KCNQ5: variants seen among roughly 807,000 people sequenced by gnomAD.
The protein encoded by KCNQ5 is potassium voltage-gated channel subfamily KQT member 5.
A neutral mutation model predicts 98.2 loss-of-function variants in KCNQ5; 30 were observed. The ratio of observed to expected loss-of-function variants is 0.31; its 90% CI spans 0.23 to 0.41. The LOEUF (loss-of-function observed/expected upper bound fraction) is 0.41. Ranked by LOEUF, KCNQ5 falls within the 10% of genes least tolerant of loss-of-function variation. The pLI is 1.00. For missense variants in KCNQ5, 835 were observed against 1,182.5 expected, an observed-to-expected ratio of 0.71 and a Z score of 4.31; for synonymous variants, 458 against 449.4, an observed-to-expected ratio of 1.02 and a Z score of -0.24.
intron 1 of KCNQ5, among the ~76,000 whole-genome samples, chr6:72,764,748 C>G (rs1308910605): frequency 6.6e-6 from 1 of 151,960 alleles, no homozygotes; most frequent in Admixed American, 6.6e-5. Context: ...ATTCCTACTT[C>G]CCCCTGCCCC....
intron 1 of KCNQ5, among the ~76,000 whole-genome samples, chr6:72,735,203 A>C (rs549274614): frequency 1.3e-5 from 2 of 152,324 alleles, no homozygotes; most frequent in East Asian, 3.9e-4. Context: ...ACCTATATTT[A>C]AGCTTAAAAC....
rs1265797143 is a variant in KCNQ5, at chr6:72,658,710, A to G, written c.398+36123A>G. Among the ~76,000 whole-genome samples, 3 of 150,902 alleles carry G rather than the reference A, an allele frequency of 2.0e-5. No homozygotes were observed. In the East Asian group the frequency reaches 5.8e-4, roughly 29 times the overall value. On this transcript the variant is annotated intron_variant, in intron 1 of 13. Coordinates refer to ENST00000370398, the MANE Select transcript of KCNQ5 (RefSeq NM_019842.4). ...ATTCTCCTGACTCAGCCTCCCAAGT[A>G]GCTGGGATTATAGGCATGTGCCACC...
chr6:72,792,087 G>GAGCTTCATTTC (rs1399265516), intron 1 of KCNQ5, among the ~76,000 whole-genome samples: 2 of 152,138 alleles, frequency 1.3e-5, no homozygotes, highest in African/African-American at 4.8e-5. Flanking sequence ...ATCTTGATTT[G>GAGCTTCATTTC]AGCTTCATTT....
chr6:73,168,662 A>C (rs1233575968), intron 10 of KCNQ5, among the ~76,000 whole-genome samples: 1 of 152,090 alleles, frequency 6.6e-6, no homozygotes, highest in East Asian at 1.9e-4. Context: ...ACAGTGAGCC[A>C]GATCGCACCA....
chr6:73,141,201 G>A (rs945829937), intron 10 of KCNQ5, among the ~76,000 whole-genome samples: 21 of 152,192 alleles, frequency 1.4e-4, no homozygotes, highest in Non-Finnish European at 2.5e-4. Flanking sequence ...TGATGGAAAG[G>A]GCGAGGTTCC....
chr6:72,689,160 G>A (rs191371796), intron 1 of KCNQ5, among the ~76,000 whole-genome samples: 40 of 152,230 alleles, frequency 2.6e-4, no homozygotes, highest in African/African-American at 9.2e-4. Flanking sequence ...TGGAGTCCTG[G>A]TTAGAAAACA....
At chr6:73,025,248 A>G (rs1770821379) in intron 2 of KCNQ5, among the ~76,000 whole-genome samples, 1 of 152,228 alleles carries the variant, frequency 6.6e-6, no homozygotes, top group Admixed American at 6.5e-5. Flanking sequence ...CTGTTGCAAC[A>G]TAATTGATGC....
At chr6:72,628,078 T>G (rs905058966) in intron 1 of KCNQ5, among the ~76,000 whole-genome samples, 2 of 152,310 alleles carry the variant, frequency 1.3e-5, no homozygotes, top group Non-Finnish European at 2.9e-5. Flanking sequence ...TTTCTACTTA[T>G]TTCTAAATAT....
intron 1 of KCNQ5, among the ~76,000 whole-genome samples, chr6:72,950,803 A>G (rs1308275694): frequency 1.3e-5 from 2 of 152,234 alleles, no homozygotes; most frequent in Admixed American, 6.5e-5. Context: ...TGGCCATATC[A>G]TGGAAGGGGG....
At chr6:72,695,996 A>G (rs899714297) in intron 1 of KCNQ5, among the ~76,000 whole-genome samples, 3 of 152,220 alleles carry the variant, frequency 2.0e-5, no homozygotes, top group African/African-American at 7.2e-5. Context: ...GTTTTAGTTT[A>G]TTTTAACATG....
At chr6:73,035,291 T>C (rs1420488955) in intron 2 of KCNQ5, among the ~76,000 whole-genome samples, 1 of 152,220 alleles carries the variant, frequency 6.6e-6, no homozygotes, top group East Asian at 1.9e-4. Flanking sequence ...ACATTTATTG[T>C]CTTTGCTTTT....
intron 5 of KCNQ5, among the ~76,000 whole-genome samples, chr6:73,080,313 A>G (rs1484591005): frequency 6.6e-6 from 1 of 152,176 alleles, no homozygotes; most frequent in East Asian, 1.9e-4. Context: ...TCTATTTTTA[A>G]AAAAAATCTA....
At chr6:72,953,148 C>T (rs1039673061) in intron 1 of KCNQ5, among the ~76,000 whole-genome samples, 1 of 152,188 alleles carries the variant, frequency 6.6e-6, no homozygotes, top group African/African-American at 2.4e-5. Context: ...CAGACTTGGT[C>T]CCTGCCCTCG....
At chr6:72,687,432 G>C (rs1768010880) in intron 1 of KCNQ5, among the ~76,000 whole-genome samples, 1 of 152,160 alleles carries the variant, frequency 6.6e-6, no homozygotes, top group South Asian at 2.1e-4. Flanking sequence ...GAGGACAAGA[G>C]AGACAAAGAG....
At chr6:72,829,615 G>T (rs1302943995) in intron 1 of KCNQ5, among the ~76,000 whole-genome samples, 1 of 152,158 alleles carries the variant, frequency 6.6e-6, no homozygotes. Context: ...TAAGACATGT[G>T]CCCAAAATGC....
chr6:72,763,975 T>G (rs979415204), intron 1 of KCNQ5, among the ~76,000 whole-genome samples: 3 of 151,968 alleles, frequency 2.0e-5, no homozygotes, highest in Non-Finnish European at 4.4e-5. Flanking sequence ...TTTGATCAGA[T>G]CCAGTACTCT....
intron 11 of KCNQ5, among the ~76,000 whole-genome samples, 198 bp downstream of exon 11, chr6:73,170,052 A>G (rs1189671359): frequency 6.6e-6 from 1 of 152,230 alleles, no homozygotes; most frequent in East Asian, 1.9e-4. Context: ...AAAGAGTTAT[A>G]AAACGTGGGT....
At chr6:72,916,431 G>T (rs970000591) in intron 1 of KCNQ5, among the ~76,000 whole-genome samples, 3 of 152,108 alleles carry the variant, frequency 2.0e-5, no homozygotes, top group Non-Finnish European at 2.9e-5. Flanking sequence ...AGCCGGAGGG[G>T]AATAAAAAAT....
intron 1 of KCNQ5, among the ~76,000 whole-genome samples, chr6:72,649,244 C>T (rs900228864): frequency 6.6e-6 from 1 of 152,128 alleles, no homozygotes; most frequent in African/African-American, 2.4e-5. Flanking sequence ...TGGATCACAG[C>T]CTCTTTCAGA....
Sources: gnomAD v4.1 joint callset for allele counts (sites outside exome capture counted in the v4.1 genomes callset) on GRCh38, gnomAD v4.1.1 for gene constraint, MANE v1.5 for transcripts, NCBI Gene and HGNC (gene_info 2026-07-23, HGNC 2026-07-21) for gene names.